The following LPP variants were observed in gnomAD, a reference collection of about 807,000 sequenced individuals.
LPP encodes the protein lipoma-preferred partner.
LPP carries 38 observed loss-of-function variants against 60.4 expected under a neutral mutation model. The ratio of observed to expected loss-of-function variants is 0.63; its 90% CI spans 0.49 to 0.83. The LOEUF (loss-of-function observed/expected upper bound fraction) is 0.83, where lower values mean the gene tolerates loss of function less well. Among genes scored for constraint, LPP ranks in the 40% least tolerant of loss-of-function variants. The probability of loss-of-function intolerance (pLI) is 0.00; values close to 1 mark genes in which losing one functional copy is unlikely to be tolerated. For synonymous variants in LPP, 328 were observed against 290.8 expected, an observed-to-expected ratio of 1.13 and a Z score of -1.30; for missense variants, 902 against 783.6, an observed-to-expected ratio of 1.15 and a Z score of -1.80.
intron 11 of LPP, among the ~76,000 whole-genome samples, chr3:188,873,997 G>A (rs1768848792): frequency 6.6e-6 from 1 of 152,042 alleles, no homozygotes. Context: ...TGCATCGGTG[G>A]TTAGGGACAT....
At chr3:188,603,328 T>G (rs1017202451) in intron 6 of LPP, among the ~76,000 whole-genome samples, 1 of 140,832 alleles carries the variant, frequency 7.1e-6, no homozygotes, top group African/African-American at 2.6e-5. Context: ...AAACTACGGA[T>G]AGACTGATAA....
At chr3:188,433,119 T>A (rs1484056450) in intron 4 of LPP, among the ~76,000 whole-genome samples, 1 of 152,126 alleles carries the variant, frequency 6.6e-6, no homozygotes, top group Non-Finnish European at 1.5e-5. Context: ...ATTTTTTTAG[T>A]CTGTTTACCT....
At chr3:188,711,064 C>A (rs1866537014) in intron 8 of LPP, 1 of 152,178 alleles carries the variant, frequency 6.6e-6, no homozygotes, top group Non-Finnish European at 1.5e-5. Flanking sequence ...CAAGGTTCTC[C>A]CATGCTCTTG....
At chr3:188,512,946 TTC>T (rs1816249233) in intron 5 of LPP, among the ~76,000 whole-genome samples, 1 of 152,172 alleles carries the variant, frequency 6.6e-6, no homozygotes, top group Non-Finnish European at 1.5e-5. Context: ...ACCTGACAAG[TTC>T]TGTTTGATTC....
chr3:188,839,167 T>C (rs900257826), intron 9 of LPP, among the ~76,000 whole-genome samples: 5 of 152,242 alleles, frequency 3.3e-5, no homozygotes, highest in African/African-American at 1.2e-4. Flanking sequence ...GAACCCTGAC[T>C]GCACCTACAA....
chr3:188,762,837 G>A (rs946516116), intron 9 of LPP, among the ~76,000 whole-genome samples: 3 of 150,328 alleles, frequency 2.0e-5, no homozygotes, highest in African/African-American at 4.9e-5. Flanking sequence ...AGATCTATTC[G>A]TGGTGACTCT....
intron 4 of LPP, among the ~76,000 whole-genome samples, chr3:188,413,101 G>C (rs1217271184): frequency 6.6e-6 from 1 of 152,092 alleles, no homozygotes; most frequent in Non-Finnish European, 1.5e-5. Flanking sequence ...CATGTATCCT[G>C]GGTAGGCAGG....
intron 9 of LPP, among the ~76,000 whole-genome samples, chr3:188,862,712 C>CAAAAAAAAAAAA (rs140751676): frequency 2.9e-4 from 16 of 55,574 alleles, no homozygotes; most frequent in African/African-American, 5.4e-4. Flanking sequence ...CCCTACTAGA[C>CAAAAAAAAAAAA]AAAAAAATAA....
chr3:188,348,120 A>G (rs1764881386), intron 3 of LPP, among the ~76,000 whole-genome samples: 2 of 152,154 alleles, frequency 1.3e-5, no homozygotes, highest in Admixed American at 1.3e-4. Flanking sequence ...GTTGTCTGTA[A>G]TAGAAACCAT....
At chr3:188,698,812 A>G (rs554340702) in intron 7 of LPP, among the ~76,000 whole-genome samples, 2 of 152,332 alleles carry the variant, frequency 1.3e-5, no homozygotes, top group South Asian at 4.1e-4. Context: ...GAGAGGCAGC[A>G]AGGCATACGT....
intron 7 of LPP, among the ~76,000 whole-genome samples, chr3:188,611,804 A>C (rs1843768783): frequency 6.6e-6 from 1 of 152,206 alleles, no homozygotes; most frequent in Non-Finnish European, 1.5e-5. Context: ...TCACTAAGTC[A>C]CTGGGCACTC....
chr3:188,790,420 C>G (rs1018499446), intron 9 of LPP, among the ~76,000 whole-genome samples: 1 of 151,850 alleles, frequency 6.6e-6, no homozygotes, highest in Non-Finnish European at 1.5e-5. Context: ...AAGTATTACC[C>G]AATCTTTTAG....
intron 6 of LPP, among the ~76,000 whole-genome samples, chr3:188,594,985 A>G (rs1839706892): frequency 1.3e-5 from 2 of 152,268 alleles, no homozygotes; most frequent in Admixed American, 6.5e-5. Flanking sequence ...GTATCCTATT[A>G]CCTCTACAGT....
At chr3:188,276,294 T>C (rs1237202975) in intron 2 of LPP, among the ~76,000 whole-genome samples, 1 of 152,194 alleles carries the variant, frequency 6.6e-6, no homozygotes, top group African/African-American at 2.4e-5. Context: ...CTTCATCATG[T>C]GGCGATGAAG....
At chr3:188,688,948 A>G (rs1861495971) in intron 7 of LPP, 1 of 495,508 alleles carries the variant, frequency 2.0e-6, no homozygotes, top group South Asian at 1.5e-5. Context: ...CTTTGTTCAC[A>G]TCTGTTAACT....
chr3:188,346,251 C>CTTTTTTTTTTTTTTTT lies in LPP; in HGVS notation c.-10+4543_-10+4558dup, dbSNP rs1050679907. 2.4e-4 allele frequency among the ~76,000 whole-genome samples: 21 copies of CTTTTTTTTTTTTTTTT among 88,340 alleles called. 2 individuals carry two copies. The highest frequency in any genetic ancestry group is 4.7e-4 in the African/African-American group (9 of 19,120). The allele number at this position is 88,340 out of a possible 152,430, so 58.0% of individuals were successfully genotyped here. A position where few individuals can be genotyped will look rare whatever the true frequency, so the allele number is the denominator to read the frequency against. On this transcript the variant is annotated intron_variant, in intron 3 of 11. Coordinates refer to ENST00000617246, the MANE Select transcript of LPP (RefSeq NM_001375462.1). Reference sequence around the variant, plus strand: ...CAGGGACCTGCCTAAAGTAGCAAATCTTTTTTTTTTTTTTTTTTTTTTTTT... The same window carrying CTTTTTTTTTTTTTTTT: ...CAGGGACCTGCCTAAAGTAGCAAATCTTTTTTTTTTTTTTTTTTTTTTTTTTTTTTTTTTTTTTTTT...
At chr3:188,601,276 T>C (rs1255527842) in intron 6 of LPP, among the ~76,000 whole-genome samples, 1 of 152,170 alleles carries the variant, frequency 6.6e-6, no homozygotes, top group Non-Finnish European at 1.5e-5. Context: ...TATCTTTTAG[T>C]TTTATAAAGT....
At chr3:188,407,775 TTTTTGTTTG>T (rs1345775886) in intron 4 of LPP, among the ~76,000 whole-genome samples, 1 of 22,248 alleles carries the variant, frequency 4.5e-5, no homozygotes, top group Admixed American at 1.0e-3. Flanking sequence ...ATGGTTTTTT[TTTTTGTTTG>T]TTTGTTTTTT....
intron 1 of LPP, among the ~76,000 whole-genome samples, chr3:188,185,098 C>T (rs140033462): frequency 3.3e-5 from 5 of 152,228 alleles, no homozygotes; most frequent in African/African-American, 9.6e-5. Context: ...TTTGCAGAGA[C>T]GCCTTCTTTT....
Sources: allele counts gnomAD v4.1 joint callset (sites outside exome capture counted in the v4.1 genomes callset), GRCh38; gene constraint gnomAD v4.1.1; transcripts MANE v1.5; gene names NCBI Gene and HGNC (gene_info 2026-07-23, HGNC 2026-07-21).